Variants in CHCHD6 observed in about 807,000 individuals in gnomAD.
CHCHD6 encodes the protein MICOS complex subunit MIC25.
CHCHD6 carries 28 observed loss-of-function variants against 32.3 expected under a neutral mutation model. The ratio of observed to expected loss-of-function variants is 0.87; its 90% CI spans 0.64 to 1.19. CHCHD6 has a LOEUF of 1.19. CHCHD6 is among the 50% of genes most tolerant of loss of function. The pLI is 0.00. For missense variants in CHCHD6, 333 were observed against 307.0 expected (o/e 1.08, Z -0.63); for synonymous variants, 122 against 117.5 (o/e 1.04, Z -0.25).
chr3:126,787,533 TC>T, intron 4 of CHCHD6, among the ~76,000 whole-genome samples: 1 of 152,286 alleles, frequency 6.6e-6, no homozygotes, highest in East Asian at 1.9e-4. Context: ...CTTGAAGAGG[TC>T]CTTCACATCC....
At chr3:126,808,513 A>G (rs755412639) in intron 4 of CHCHD6, among the ~76,000 whole-genome samples, 2 of 152,170 alleles carry the variant, frequency 1.3e-5, no homozygotes, top group South Asian at 2.1e-4. Flanking sequence ...AGATAAAAAT[A>G]TAAACTTTGT....
At chr3:126,711,093 T>A (rs959069767) in intron 1 of CHCHD6, among the ~76,000 whole-genome samples, 1 of 152,206 alleles carries the variant, frequency 6.6e-6, no homozygotes, top group Non-Finnish European at 1.5e-5. Context: ...ACTTTATCTT[T>A]TAATAGTTAC....
intron 5 of CHCHD6, among the ~76,000 whole-genome samples, chr3:126,871,039 G>A (rs566552996): frequency 6.6e-6 from 1 of 152,154 alleles, no homozygotes; most frequent in Non-Finnish European, 1.5e-5. Context: ...CAGGAGATTT[G>A]GATTCATTTA....
chr3:126,834,967 C>G (rs920850109), intron 4 of CHCHD6, among the ~76,000 whole-genome samples: 2 of 152,164 alleles, frequency 1.3e-5, no homozygotes, highest in Admixed American at 1.3e-4. Context: ...GGAATAAGAG[C>G]TCCGCTGTGC....
chr3:126,885,833 TGAGGA>T (rs951903943), intron 5 of CHCHD6, among the ~76,000 whole-genome samples: 3 of 152,184 alleles, frequency 2.0e-5, no homozygotes, highest in African/African-American at 7.2e-5. Flanking sequence ...TTCTCCAAAA[TGAGGA>T]GAAGAGGCCT....
At chr3:126,711,600 T>A (rs111936216) in intron 1 of CHCHD6, among the ~76,000 whole-genome samples, 2 of 152,232 alleles carry the variant, frequency 1.3e-5, no homozygotes, top group African/African-American at 4.8e-5. Flanking sequence ...CCTGGACTTA[T>A]GCCCTGACAC....
chr3:126,709,014 A>G (rs1441602833), intron 1 of CHCHD6, among the ~76,000 whole-genome samples: 3 of 152,236 alleles, frequency 2.0e-5, no homozygotes, highest in Admixed American at 6.5e-5. Flanking sequence ...GTGTATTTGC[A>G]TATATACTAC....
chr3:126,877,263 A>T (rs531351695), intron 5 of CHCHD6, among the ~76,000 whole-genome samples: 252 of 152,288 alleles, frequency 1.7e-3, no homozygotes, highest in Non-Finnish European at 2.9e-3. Flanking sequence ...TTATTCAAAA[A>T]TTAAGTCAAC....
chr3:126,822,318 AT>A (rs1215843258), intron 4 of CHCHD6, among the ~76,000 whole-genome samples: 1 of 152,078 alleles, frequency 6.6e-6, no homozygotes, highest in African/African-American at 2.4e-5. Flanking sequence ...TGAAAAGACT[AT>A]TTTTTTCCTC....
chr3:126,732,156 T>G (rs1935837842), intron 3 of CHCHD6, among the ~76,000 whole-genome samples: 2 of 151,762 alleles, frequency 1.3e-5, no homozygotes, highest in Non-Finnish European at 2.9e-5. Flanking sequence ...TTTAAACATT[T>G]TAAAAATGGT....
chr3:126,907,872 T>A (rs1363404010), intron 5 of CHCHD6, among the ~76,000 whole-genome samples: 12 of 152,178 alleles, frequency 7.9e-5, no homozygotes, highest in Non-Finnish European at 2.9e-5. Context: ...TTTGTTATTT[T>A]TCTTCCCAAG....
chr3:126,866,415 C>A (rs1942290659), intron 5 of CHCHD6, among the ~76,000 whole-genome samples: 1 of 152,176 alleles, frequency 6.6e-6, no homozygotes, highest in African/African-American at 2.4e-5. Flanking sequence ...GAGTGTGTCA[C>A]ATGTACTAAT....
At chr3:126,800,773 C>G (rs1939022624) in intron 4 of CHCHD6, among the ~76,000 whole-genome samples, 2 of 152,170 alleles carry the variant, frequency 1.3e-5, no homozygotes, top group South Asian at 4.1e-4. Context: ...AGCATTCTTC[C>G]TCACTATACT....
intron 4 of CHCHD6, among the ~76,000 whole-genome samples, chr3:126,838,036 G>T (rs975399494): frequency 1.3e-5 from 2 of 152,070 alleles, no homozygotes; most frequent in African/African-American, 2.4e-5. Context: ...TGGGGCGGGG[G>T]AGCAGTGTCA....
intron 5 of CHCHD6, among the ~76,000 whole-genome samples, chr3:126,855,683 A>T (rs1053276934): frequency 1.3e-5 from 2 of 152,032 alleles, no homozygotes; most frequent in Non-Finnish European, 2.9e-5. Flanking sequence ...GGGCCATGCA[A>T]TCCCCAGGTA....
At chr3:126,736,639 CT>C (rs1178584829) in intron 4 of CHCHD6, among the ~76,000 whole-genome samples, 5 of 152,200 alleles carry the variant, frequency 3.3e-5, no homozygotes, top group African/African-American at 1.2e-4. Flanking sequence ...TGACCTACTT[CT>C]GATGACAGAA....
chr3:126,903,567 T>C (rs1211667709), intron 5 of CHCHD6, among the ~76,000 whole-genome samples: 1 of 152,264 alleles, frequency 6.6e-6, no homozygotes, highest in Non-Finnish European at 1.5e-5. Flanking sequence ...CTATGCATTT[T>C]GTTTTCAAAC....
At chr3:126,737,685 T>C (rs1936108449) in intron 4 of CHCHD6, among the ~76,000 whole-genome samples, 1 of 152,020 alleles carries the variant, frequency 6.6e-6, no homozygotes, top group African/African-American at 2.4e-5. Context: ...AAATGTGAGC[T>C]TGATCTTGAA....
intron 2 of CHCHD6, 89 bp downstream of exon 2, chr3:126,727,275 G>C: frequency 1.2e-6 from 1 of 825,766 alleles, no homozygotes; most frequent in Non-Finnish European, 2.0e-6. Context: ...TGGCGCACAG[G>C]GCTCAGGTTG....
Sources: gnomAD v4.1 joint callset for allele counts (sites outside exome capture counted in the v4.1 genomes callset) on GRCh38, gnomAD v4.1.1 for gene constraint, MANE v1.5 for transcripts, NCBI Gene and HGNC (gene_info 2026-07-23, HGNC 2026-07-21) for gene names.